KIAA2012: variants seen among roughly 807,000 people sequenced by gnomAD.
The protein encoded by KIAA2012 is KIAA2012.
In KIAA2012, 125 loss-of-function variants were observed where a neutral mutation model predicts 150.6. The observed-to-expected ratio is 0.83, with a 90% confidence interval of 0.72 to 0.96. The LOEUF (loss-of-function observed/expected upper bound fraction) is 0.96, where lower values mean the gene tolerates loss of function less well. Among genes scored for constraint, KIAA2012 ranks in the 40% least tolerant of loss-of-function variants. The probability of loss-of-function intolerance (pLI) is 0.00; values close to 1 mark genes in which losing one functional copy is unlikely to be tolerated. For synonymous variants in KIAA2012, 462 were observed against 504.7 expected, an observed-to-expected ratio of 0.92 and a Z score of 1.13; for missense variants, 1,219 against 1,354.9, an observed-to-expected ratio of 0.90 and a Z score of 1.57.
At chr2:202,112,059 G>A (rs1230719770) in intron 10 of KIAA2012, among the ~76,000 whole-genome samples, 1 of 152,160 alleles carries the variant, frequency 6.6e-6, no homozygotes, top group African/African-American at 2.4e-5. Context: ...TTTTCTGAAT[G>A]ATAGTAGTAT....
intron 13 of KIAA2012, among the ~76,000 whole-genome samples, chr2:202,149,670 AGTAAT>A (rs1349103017): frequency 6.6e-6 from 1 of 152,202 alleles, no homozygotes; most frequent in African/African-American, 2.4e-5. Context: ...GAGTGGGAGA[AGTAAT>A]GAGGAGGGCC....
intron 14 of KIAA2012, among the ~76,000 whole-genome samples, chr2:202,157,882 T>G (rs1224995319): frequency 6.6e-6 from 1 of 152,236 alleles, no homozygotes; most frequent in Non-Finnish European, 1.5e-5. Flanking sequence ...ACATTCCATC[T>G]GCACCAGGAA....
At chr2:202,185,343 T>A (rs537309484) in intron 16 of KIAA2012, among the ~76,000 whole-genome samples, 73 of 152,356 alleles carry the variant, frequency 4.8e-4, no homozygotes, top group Non-Finnish European at 8.4e-4. Flanking sequence ...TAAGCTACTT[T>A]GGTAGTGGCA....
chr2:202,195,379 G>T (rs1197264204), intron 21 of KIAA2012, among the ~76,000 whole-genome samples: 1 of 151,940 alleles, frequency 6.6e-6, no homozygotes, highest in Non-Finnish European at 1.5e-5. Context: ...TTAGCTGGGT[G>T]TAGTGGTGTG....
intron 6 of KIAA2012, among the ~76,000 whole-genome samples, chr2:202,100,019 C>A (rs924740140): frequency 6.6e-6 from 1 of 152,158 alleles, no homozygotes; most frequent in African/African-American, 2.4e-5. Flanking sequence ...CTCAAGTTAC[C>A]CCCACTTACA....
rs771431728 is a variant in KIAA2012 at position 202,184,777 on chromosome 2, T to C, written c.2144T>C (p.Leu715Pro). 9.2e-5 allele frequency: 142 copies of C among 1,548,492 alleles called. 1 individual carries two copies. The Middle Eastern group carries it at 3.0e-3, about 33-fold the overall frequency. The change falls in exon 16 of 24, where the codon CTT (leucine) becomes CCT (proline). Residue 715 changes from leucine (L) to proline (P), a missense_variant. Transcript: ENST00000498697. ...GACCCAGAGCCAAGGAGTATGACCCTTGACTCTCCCAGGGCTTCCCGGACT... is the reference window on the plus strand; with the variant it reads ...GACCCAGAGCCAAGGAGTATGACCCCTGACTCTCCCAGGGCTTCCCGGACT... ...DQDPEPRSMT[L>P]DSPRASRTEH...
At chr2:202,149,873 TG>T (rs777421283) in intron 13 of KIAA2012, among the ~76,000 whole-genome samples, 1 of 152,212 alleles carries the variant, frequency 6.6e-6, no homozygotes, top group Non-Finnish European at 1.5e-5. Flanking sequence ...GAAAAATTAC[TG>T]GGGAGAAGGA....
chr2:202,131,134 A>G (rs558436816), intron 12 of KIAA2012, among the ~76,000 whole-genome samples: 8 of 152,072 alleles, frequency 5.3e-5, no homozygotes, highest in African/African-American at 1.9e-4. Context: ...ATCTGTGAGT[A>G]TGTTTTTTTG....
rs1335020162 is a variant in KIAA2012, at chr2:202,125,187, C to T, written c.1763-27C>T. On this transcript the variant is annotated intron_variant, in intron 11 of 23. Coordinates refer to ENST00000498697, the MANE Select transcript of KIAA2012 (RefSeq NM_001277372.4). ...TTTTTACAAGACTTTTTCCCGCTCT[C>T]AGGTAAAATATCTTACTGTTTTTCA... 3.9e-6 allele frequency: 6 copies of T among 1,530,764 alleles called. No homozygotes were observed. In the Admixed American group the frequency reaches 1.2e-4, roughly 31 times the overall value. The allele number at this position is 1,530,764 out of a possible 1,614,324, so 94.8% of individuals were successfully genotyped here. A position where few individuals can be genotyped will look rare whatever the true frequency, so the allele number is the denominator to read the frequency against.
Position 202,099,683 on chromosome 2 carries a change from C to T in KIAA2012, c.899C>T (p.Thr300Ile). ...KESYNEKTQQ[T>I]SRKAFGHGRI... ...AGCTACAATGAAAAGACACAGCAAA[C>T]CTCCAGGAAGGCCTTTGGGCATGGC... is the stretch of plus-strand genomic sequence containing the variant. Residue 300 changes from threonine (T) to isoleucine (I), a missense_variant, in exon 6 of 24, where the codon ACC becomes ATC. By Grantham distance (89) the Thr-to-Ile change is moderately conservative. Transcript: ENST00000498697. The T allele has an allele frequency of 6.4e-7, 1 of 1,550,482 alleles. No individual in the cohort carries two copies. The highest frequency in any genetic ancestry group is 8.7e-7 in the Non-Finnish European group (1 of 1,146,912).
At chr2:202,122,384 T>C (rs1690673169) in intron 11 of KIAA2012, among the ~76,000 whole-genome samples, 1 of 152,208 alleles carries the variant, frequency 6.6e-6, no homozygotes, top group South Asian at 2.1e-4. Flanking sequence ...TGACTGGACG[T>C]GAGCATCTCA....
chr2:202,114,953 G>A (rs199757597), intron 11 of KIAA2012: 14 of 167,412 alleles, frequency 8.4e-5, no homozygotes, highest in Non-Finnish European at 1.5e-4. Flanking sequence ...TCCTCCATGG[G>A]CAGTTGGTTG....
chr2:202,074,563 G>T (rs928794589), intron 1 of KIAA2012, among the ~76,000 whole-genome samples: 1 of 152,164 alleles, frequency 6.6e-6, no homozygotes, highest in African/African-American at 2.4e-5. Context: ...GTTATCTGCT[G>T]CCCTTAATAA....
chr2:202,076,236 G>A (rs1689321388), intron 2 of KIAA2012, among the ~76,000 whole-genome samples: 1 of 152,120 alleles, frequency 6.6e-6, no homozygotes, highest in South Asian at 2.1e-4. Flanking sequence ...CATTCCTGAT[G>A]GATTAACATC....
chr2:202,118,092 CTAT>C (rs1458244813), intron 11 of KIAA2012, among the ~76,000 whole-genome samples: 1 of 151,912 alleles, frequency 6.6e-6, no homozygotes, highest in South Asian at 2.1e-4. Context: ...TCATTTGTGA[CTAT>C]TATTATTTTT....
intron 10 of KIAA2012, among the ~76,000 whole-genome samples, chr2:202,110,116 G>A (rs1398176263): frequency 6.6e-6 from 1 of 152,112 alleles, no homozygotes; most frequent in African/African-American, 2.4e-5. Context: ...ACTCCAAACT[G>A]AGCCATAACC....
intron 15 of KIAA2012, among the ~76,000 whole-genome samples, chr2:202,180,269 CA>C (rs569117421): frequency 0.029 from 1,451 of 49,330 alleles, 8 homozygotes; most frequent in East Asian, 0.053. Context: ...GAAACTCCTC[CA>C]AAAAAAAAAA....
intron 16 of KIAA2012, among the ~76,000 whole-genome samples, chr2:202,185,980 G>C (rs1216931688): frequency 6.6e-6 from 1 of 152,096 alleles, no homozygotes; most frequent in Admixed American, 6.6e-5. Context: ...ACAGTAAAGA[G>C]AATACTCATT....
intron 22 of KIAA2012, chr2:202,201,903 G>T: frequency 1.0e-6 from 1 of 967,238 alleles, no homozygotes; most frequent in Non-Finnish European, 1.7e-6. Context: ...TGCAGGTCCG[G>T]TTCGTCTCGG....
Sources: gnomAD v4.1 joint callset for allele counts (sites outside exome capture counted in the v4.1 genomes callset) on GRCh38, gnomAD v4.1.1 for gene constraint, MANE v1.5 for transcripts, NCBI Gene and HGNC (gene_info 2026-07-23, HGNC 2026-07-21) for gene names.